Variants in ZFPM1 observed in about 807,000 individuals in gnomAD.
ZFPM1 encodes the protein zinc finger protein, FOG family member 1, also known as zinc finger protein ZFPM1.
Under a neutral mutation model 46.3 loss-of-function variants are expected in ZFPM1, and 28 were observed. The observed-to-expected ratio is 0.60, with a 90% confidence interval of 0.45 to 0.83. The LOEUF (loss-of-function observed/expected upper bound fraction) is 0.83. ZFPM1 is among the 40% of genes least tolerant of loss of function. The pLI, the probability that ZFPM1 is intolerant of heterozygous loss-of-function variation, is 0.00. For synonymous variants in ZFPM1, 957 were observed against 675.9 expected (o/e 1.42, Z -6.45); for missense variants, 1,878 against 1,432.4 (o/e 1.31, Z -5.02).
intron 1 of ZFPM1, among the ~76,000 whole-genome samples, chr16:88,453,945 G>A (rs1907414609): frequency 6.6e-6 from 1 of 152,158 alleles, no homozygotes. Context: ...GCGCGGCCCG[G>A]GCAGCTCGGC....
At chr16:88,490,614 G>A (rs575464029) in intron 3 of ZFPM1, among the ~76,000 whole-genome samples, 34 of 152,322 alleles carry the variant, frequency 2.2e-4, no homozygotes, top group African/African-American at 7.2e-4. Context: ...CCATGTGCCC[G>A]CCGGTGCAAG....
rs1913030330 is a variant in ZFPM1 at position 88,533,924 on chromosome 16, G to C, written c.1966G>C (p.Asp656His). ...GGCTGGGGGCGCGGCCACGCCCGAGGACGGCGCGGGCGGCCGGGGCAGCGA... is the reference window on the plus strand; with the variant it reads ...GGCTGGGGGCGCGGCCACGCCCGAGCACGGCGCGGGCGGCCGGGGCAGCGA... Reference protein sequence around the residue: ...EGAGGAATPEDGAGGRGSEGS... With the variant: ...EGAGGAATPEHGAGGRGSEGS... The change falls in exon 10 of 10, where the codon GAC (aspartate) becomes CAC (histidine). Residue 656 changes from aspartate to histidine, a missense_variant. Asp to His is a moderately conservative substitution (Grantham distance 81). Coordinates refer to ENST00000319555, the MANE Select transcript of ZFPM1 (RefSeq NM_153813.3). 8.2e-7 allele frequency: 1 copy of C among 1,222,236 alleles called. No homozygotes were observed. Among genetic ancestry groups the C allele is most frequent in the Non-Finnish European group, 1.0e-6 (1 of 961,542 alleles). 75.7% of individuals were successfully genotyped at this position (1,222,236 alleles called of 1,614,324 possible).
At chr16:88,498,006 G>C (rs1910035184) in intron 3 of ZFPM1, among the ~76,000 whole-genome samples, 1 of 152,200 alleles carries the variant, frequency 6.6e-6, no homozygotes, top group African/African-American at 2.4e-5. Flanking sequence ...AATCATTCCA[G>C]CTATTCTGCC....
At chr16:88,532,562 G>C in intron 7 of ZFPM1, 52 bp from the exon 8 acceptor site, 1 of 1,528,490 alleles carries the variant, frequency 6.5e-7, no homozygotes, top group Non-Finnish European at 8.8e-7. Flanking sequence ...CATCCCTGGA[G>C]TCCCAAGGTT....
chr16:88,453,842 G>C (rs542990930), intron 1 of ZFPM1, among the ~76,000 whole-genome samples, 164 bp downstream of exon 1: 5 of 151,830 alleles, frequency 3.3e-5, no homozygotes, highest in Admixed American at 3.3e-4. Context: ...TCTAATCTCC[G>C]CCGGCGGCCT....
At chr16:88,525,048 G>A (rs939878886) in intron 4 of ZFPM1, among the ~76,000 whole-genome samples, 1 of 152,264 alleles carries the variant, frequency 6.6e-6, no homozygotes, top group Non-Finnish European at 1.5e-5. Flanking sequence ...CAGCCCGCCT[G>A]AACCTTGCCT....
At chr16:88,525,073 C>T (rs922563873) in intron 4 of ZFPM1, among the ~76,000 whole-genome samples, 15 of 152,244 alleles carry the variant, frequency 9.9e-5, no homozygotes, top group African/African-American at 1.2e-4. Context: ...AGTCACTGAA[C>T]GTCCCAGCCC....
chr16:88,464,245 G>A (rs1908025216), intron 1 of ZFPM1, among the ~76,000 whole-genome samples: 1 of 152,192 alleles, frequency 6.6e-6, no homozygotes, highest in Non-Finnish European at 1.5e-5. Context: ...CGAGGCATGT[G>A]AGCCGTGCCT....
At chr16:88,454,513 G>A (rs1907447081) in intron 1 of ZFPM1, among the ~76,000 whole-genome samples, 3 of 152,188 alleles carry the variant, frequency 2.0e-5, no homozygotes, top group Non-Finnish European at 2.9e-5. Context: ...ACGCAGCCCC[G>A]GGCCGGGGTC....
intron 6 of ZFPM1, chr16:88,530,842 C>G (rs1483958694): frequency 6.6e-6 from 1 of 152,310 alleles, no homozygotes; most frequent in Non-Finnish European, 1.5e-5. Context: ...GTAAAAGGAA[C>G]TTGAGAAACA....
At chr16:88,510,089 T>C (rs1910869498) in intron 3 of ZFPM1, among the ~76,000 whole-genome samples, 1 of 152,014 alleles carries the variant, frequency 6.6e-6, no homozygotes, top group Admixed American at 6.5e-5. Context: ...GAGAGAATAG[T>C]GCTGGCTGCA....
At chr16:88,501,191 C>A (rs929954669) in intron 3 of ZFPM1, among the ~76,000 whole-genome samples, 1 of 136,618 alleles carries the variant, frequency 7.3e-6, no homozygotes, top group African/African-American at 2.7e-5. Context: ...CGGGGGCCCT[C>A]CCGCAGGTGC....
intron 1 of ZFPM1, 113 bp downstream of exon 1, chr16:88,453,791 C>T: frequency 1.8e-6 from 1 of 569,342 alleles, no homozygotes; most frequent in Non-Finnish European, 2.3e-6. Context: ...GCGACCTTCA[C>T]CCCGCGCCGC....
Position 88,514,428 on chromosome 16 carries a change from C to T in ZFPM1, c.310C>T (p.Arg104Trp), listed in dbSNP as rs375666859. The change falls in exon 4 of 10, where the codon CGG (arginine) becomes TGG (tryptophan). Residue 104 changes from arginine to tryptophan, a missense_variant. Transcript: ENST00000319555. ...PVVQDGQRRI[R>W]ARLSLATGLS... Reference sequence around the variant, plus strand: ...GGTGCAGGATGGGCAGAGGCGCATACGGGCCCGACTCAGCCTCGCCACGGG... The same window carrying T: ...GGTGCAGGATGGGCAGAGGCGCATATGGGCCCGACTCAGCCTCGCCACGGG... 13 of 1,559,910 alleles carry T rather than the reference C, an allele frequency of 8.3e-6. No homozygotes were observed. Among genetic ancestry groups the T allele is most frequent in the Non-Finnish European group, 1.0e-5 (12 of 1,152,354 alleles).
chr16:88,527,946 C>A, intron 5 of ZFPM1, 86 bp from the exon 6 acceptor site: 1 of 1,387,316 alleles, frequency 7.2e-7, no homozygotes, highest in Middle Eastern at 2.6e-4. Context: ...TGGCCGCTCT[C>A]CTGACCCCAT....
chr16:88,489,146 C>G lies in ZFPM1; in HGVS notation c.261C>G (p.Ser87Arg). The change falls in exon 3 of 10, where the codon AGC becomes AGG. Residue 87 changes from serine to arginine, a missense_variant. Coordinates refer to ENST00000319555, the MANE Select transcript of ZFPM1 (RefSeq NM_153813.3). ...AGGAAGAGCCGGGCAGTCCCTGGAG[C>G]GGGCCAGGTAACCACGCGGGTGGTG... ...PTEEEPGSPW[S>R]GPDELEPVVQ... 1.9e-6 allele frequency: 3 copies of G among 1,602,194 alleles called. No individual in the cohort carries two copies. The highest frequency in any genetic ancestry group is 2.6e-6 in the Non-Finnish European group (3 of 1,174,862).
chr16:88,487,441 G>A (rs1567534727), intron 2 of ZFPM1, among the ~76,000 whole-genome samples: 1 of 152,242 alleles, frequency 6.6e-6, no homozygotes, highest in African/African-American at 2.4e-5. Flanking sequence ...ATGAGCTGGG[G>A]TGGAGGAGAG....
intron 1 of ZFPM1, among the ~76,000 whole-genome samples, chr16:88,457,611 A>T (rs1013773922): frequency 2.0e-5 from 3 of 151,390 alleles, no homozygotes; most frequent in Admixed American, 2.0e-4. Context: ...TCCTGATCCC[A>T]GCCACGTTTT....
At chr16:88,507,444 T>C (rs771175650) in intron 3 of ZFPM1, among the ~76,000 whole-genome samples, 8 of 152,170 alleles carry the variant, frequency 5.3e-5, no homozygotes, top group Non-Finnish European at 4.4e-5. Flanking sequence ...AGGTGTGGCT[T>C]GATCCAGGGA....
Sources: allele counts gnomAD v4.1 joint callset (sites outside exome capture counted in the v4.1 genomes callset), GRCh38; gene constraint gnomAD v4.1.1; transcripts MANE v1.5; gene names NCBI Gene and HGNC (gene_info 2026-07-23, HGNC 2026-07-21).